SMAD4: variants seen among roughly 807,000 people sequenced by gnomAD.
SMAD4 encodes the protein SMAD family member 4.
SMAD4 carries 7 observed loss-of-function variants against 63.2 expected under a neutral mutation model. The ratio of observed to expected loss-of-function variants is 0.11; its 90% CI spans 0.06 to 0.21. SMAD4 has a LOEUF of 0.21. SMAD4 is among the 10% of genes least tolerant of loss of function. The probability of loss-of-function intolerance (pLI) is 1.00; values close to 1 mark genes in which losing one functional copy is unlikely to be tolerated. For missense variants in SMAD4, 312 were observed against 693.8 expected (o/e 0.45, Z 6.18); for synonymous variants, 215 against 235.4 (o/e 0.91, Z 0.79).
intron 5 of SMAD4, among the ~76,000 whole-genome samples, chr18:51,055,529 T>A (rs867525167): frequency 7.8e-6 from 1 of 127,474 alleles, no homozygotes; most frequent in Non-Finnish European, 1.7e-5. Context: ...ATATGTGTAA[T>A]TAAAAAAAAA....
intron 1 of SMAD4, among the ~76,000 whole-genome samples, chr18:51,038,330 G>T (rs1412375068): frequency 1.3e-5 from 2 of 151,910 alleles, no homozygotes; most frequent in African/African-American, 4.8e-5. Flanking sequence ...TTTCCCAAAT[G>T]ACCAATTCAT....
rs1910607663 is a variant in SMAD4, at chr18:51,081,299, C to T, written c.*2832C>T. On this transcript the variant is annotated 3_prime_UTR_variant, in exon 12 of 12. Transcript: ENST00000342988. Reference sequence around the variant, plus strand: ...ATGAGAGATGAGCCATGTACACCCACCGTAAGACCTCATTCCATGTTTGTC... The same window carrying T: ...ATGAGAGATGAGCCATGTACACCCATCGTAAGACCTCATTCCATGTTTGTC... 4.4e-6 allele frequency: 1 copy of T among 227,748 alleles called. No homozygotes were observed. The highest frequency in any genetic ancestry group is 8.7e-6 in the Non-Finnish European group (1 of 114,810). The allele number at this position is 227,748 out of a possible 1,614,324, so 14.1% of individuals were successfully genotyped here.
chr18:51,055,082 T>A (rs1191783838), intron 5 of SMAD4, 89 bp downstream of exon 5: 11 of 929,598 alleles, frequency 1.2e-5, no homozygotes, highest in Non-Finnish European at 1.8e-5. Context: ...AAACTCCAAG[T>A]AAGTAAACAT....
At position 51,076,662 on chromosome 18, in the gene SMAD4, C is replaced by T. The variant is rs377767360; in HGVS notation, c.1333C>T (p.Arg445Ter). The part of the protein sequence containing the change: ...IKVFDLRQCH[R>*]QMQQQAATAQ... ...GGTCTTTGATTTGCGTCAGTGTCAT[C>T]GACAGATGCAGCAGCAGGCGGCTAC... Residue 445 changes from arginine to a stop codon, truncating the protein, a stop_gained, in exon 11 of 12, where the codon CGA becomes TGA. Coordinates refer to ENST00000342988, the MANE Select transcript of SMAD4 (RefSeq NM_005359.6). LOFTEE classifies it high-confidence loss of function. 1 of 1,613,874 alleles carries T rather than the reference C, an allele frequency of 6.2e-7. No individual in the cohort carries two copies. Among genetic ancestry groups the T allele is most frequent in the Non-Finnish European group, 8.5e-7 (1 of 1,179,862 alleles).
rs1224279475 is a variant in SMAD4, at chr18:51,079,201, T to A, written c.*734T>A. The A allele has an allele frequency of 1.3e-5, 3 of 232,858 alleles. No homozygotes were observed. The highest frequency in any genetic ancestry group is 2.2e-5 in the African/African-American group (1 of 45,340). The allele number at this position is 232,858 out of a possible 1,614,324, so 14.4% of individuals were successfully genotyped here. A position where few individuals can be genotyped will look rare whatever the true frequency, so the allele number is the denominator to read the frequency against. Reference sequence around the variant, plus strand: ...TCCTAGTGGATGACTGTTGATGAAGTATACTTTTCCCCTGTTAAACAGTAG... The same window carrying A: ...TCCTAGTGGATGACTGTTGATGAAGAATACTTTTCCCCTGTTAAACAGTAG... On this transcript the variant is annotated 3_prime_UTR_variant, in exon 12 of 12. Coordinates refer to ENST00000342988, the MANE Select transcript of SMAD4 (RefSeq NM_005359.6).
At chr18:51,057,019 G>T (rs1467663546) in intron 5 of SMAD4, among the ~76,000 whole-genome samples, 2 of 152,154 alleles carry the variant, frequency 1.3e-5, no homozygotes, top group Non-Finnish European at 2.9e-5. Flanking sequence ...TGAGTAGGAA[G>T]GGAGGTTGCT....
Position 51,082,417 on chromosome 18 carries a change from A to C in SMAD4, c.*3950A>C. The C allele has an allele frequency of 4.4e-6, 1 of 229,596 alleles. No homozygotes were observed. Among genetic ancestry groups the C allele is most frequent in the Non-Finnish European group, 8.6e-6 (1 of 115,798 alleles). 14.2% of individuals were successfully genotyped at this position (229,596 alleles called of 1,614,324 possible). A position where few individuals can be genotyped will look rare whatever the true frequency, so the allele number is the denominator to read the frequency against. Reference sequence around the variant, plus strand: ...AAAGTCCATGGCCTTATTCATCCACAAAGTGGCATCCTAGGCCCAGCCTTA... The same window carrying C: ...AAAGTCCATGGCCTTATTCATCCACCAAGTGGCATCCTAGGCCCAGCCTTA... On this transcript the variant is annotated 3_prime_UTR_variant, in exon 12 of 12. Coordinates refer to ENST00000342988, the MANE Select transcript of SMAD4 (RefSeq NM_005359.6).
At position 51,081,240 on chromosome 18, in the gene SMAD4, G is replaced by C. The variant is rs1242298972; in HGVS notation, c.*2773G>C. The C allele has an allele frequency of 4.4e-6, 1 of 225,128 alleles. No homozygotes were observed. The highest frequency in any genetic ancestry group is 8.8e-6 in the Non-Finnish European group (1 of 113,054). The allele number at this position is 225,128 out of a possible 1,614,324, so 13.9% of individuals were successfully genotyped here. On this transcript the variant is annotated 3_prime_UTR_variant, in exon 12 of 12. Coordinates refer to ENST00000342988, the MANE Select transcript of SMAD4 (RefSeq NM_005359.6). ...TTCTCTAGCTAATTCATATCTCAAAGAGTCTCAAAATGTTGAATTTCAGTG... is the reference window on the plus strand; with the variant it reads ...TTCTCTAGCTAATTCATATCTCAAACAGTCTCAAAATGTTGAATTTCAGTG...
intron 10 of SMAD4, among the ~76,000 whole-genome samples, chr18:51,075,544 A>G (rs1378791567): frequency 6.6e-6 from 1 of 152,178 alleles, no homozygotes. Flanking sequence ...CTTTCCTGCA[A>G]ATTCTTTTTG....
chr18:51,063,155 AT>A (rs2144441612), intron 8 of SMAD4, among the ~76,000 whole-genome samples: 1 of 151,788 alleles, frequency 6.6e-6, no homozygotes, highest in African/African-American at 2.4e-5. Flanking sequence ...CCTGGCCCTC[AT>A]TTTCTTTTTA....
At chr18:51,043,273 TA>T (rs1268895552) in intron 1 of SMAD4, among the ~76,000 whole-genome samples, 1 of 152,220 alleles carries the variant, frequency 6.6e-6, no homozygotes, top group Non-Finnish European at 1.5e-5. Flanking sequence ...TAGTGCTTTG[TA>T]TATACAGTGT....
At chr18:51,049,619 G>T (rs1909648438) in intron 4 of SMAD4, 3 of 338,852 alleles carry the variant, frequency 8.9e-6, no homozygotes, top group Non-Finnish European at 1.6e-5. Context: ...TTTGAGTTAA[G>T]ACCTATTTTT....
chr18:51,058,228 A>G lies in SMAD4; in HGVS notation c.771A>G (p.Pro257=). The G allele has an allele frequency of 1.2e-6, 2 of 1,614,246 alleles. No individual in the cohort carries two copies. The highest frequency in any genetic ancestry group is 1.7e-6 in the Non-Finnish European group (2 of 1,180,036). ...GQQQNGFTGQ[P]ATYHHNSTTT... ...AGCAGAATGGATTTACTGGTCAGCC[A>G]GCTACTTACCATCATAGTATGTACA... The change falls in exon 6 of 12, where the codon CCA becomes CCG. Residue 257 remains proline, a synonymous_variant. Transcript: ENST00000342988.
At chr18:51,051,619 T>A (rs1909715499) in intron 4 of SMAD4, among the ~76,000 whole-genome samples, 1 of 152,164 alleles carries the variant, frequency 6.6e-6, no homozygotes, top group Non-Finnish European at 1.5e-5. Context: ...AAGGTATGTT[T>A]TGTCTACTCA....
At chr18:51,039,041 A>G (rs966584670) in intron 1 of SMAD4, among the ~76,000 whole-genome samples, 1 of 152,182 alleles carries the variant, frequency 6.6e-6, no homozygotes, top group Non-Finnish European at 1.5e-5. Flanking sequence ...TGGGAGGCGG[A>G]GGTTGCAGAG....
rs562914390 is a variant in SMAD4, at chr18:51,059,775, A to G, written c.905-91A>G. 289 of 935,854 alleles carry G rather than the reference A, an allele frequency of 3.1e-4. 1 individual carries two copies. Among genetic ancestry groups the G allele is most frequent in the Non-Finnish European group, 4.8e-4 (277 of 574,614 alleles). The allele number at this position is 935,854 out of a possible 1,614,324, so 58.0% of individuals were successfully genotyped here. A position where few individuals can be genotyped will look rare whatever the true frequency, so the allele number is the denominator to read the frequency against. On this transcript the variant is annotated intron_variant, in intron 7 of 11. Transcript: ENST00000342988. ...TTGTTTTAAACAATTCCTAACCTATAATAGTTATATTTAAGTAAGATTTAC... is the reference window on the plus strand; with the variant it reads ...TTGTTTTAAACAATTCCTAACCTATGATAGTTATATTTAAGTAAGATTTAC...
At chr18:51,072,071 A>G (rs1324201898) in intron 10 of SMAD4, among the ~76,000 whole-genome samples, 3 of 152,190 alleles carry the variant, frequency 2.0e-5, no homozygotes, top group Non-Finnish European at 4.4e-5. Flanking sequence ...ACATTTGTGT[A>G]TAAGTATTTG....
At chr18:51,058,014 C>T (rs1909886363) in intron 5 of SMAD4, 111 bp from the exon 6 acceptor site, 1 of 1,305,170 alleles carries the variant, frequency 7.7e-7, no homozygotes, top group Non-Finnish European at 1.1e-6. Context: ...ACACTTTTTG[C>T]CCATCTTTAT....
At chr18:51,046,272 A>G (rs940814870) in intron 1 of SMAD4, among the ~76,000 whole-genome samples, 2 of 152,058 alleles carry the variant, frequency 1.3e-5, no homozygotes, top group Admixed American at 1.3e-4. Flanking sequence ...AATACTTACT[A>G]TTGTCTTTTT....
Sources: gnomAD v4.1 joint callset for allele counts (sites outside exome capture counted in the v4.1 genomes callset) on GRCh38, gnomAD v4.1.1 for gene constraint, MANE v1.5 for transcripts, NCBI Gene and HGNC (gene_info 2026-07-23, HGNC 2026-07-21) for gene names.